The following TMEM87A variants were observed in gnomAD, a reference collection of about 807,000 sequenced individuals.
The protein encoded by TMEM87A is Golgi-pH regulating cation channel.
Under a neutral mutation model 90.0 loss-of-function variants are expected in TMEM87A, and 50 were observed. The ratio of observed to expected loss-of-function variants is 0.56; its 90% confidence interval spans 0.44 to 0.70. The LOEUF (loss-of-function observed/expected upper bound fraction) is 0.70. Among genes scored for constraint, TMEM87A ranks in the 30% least tolerant of loss-of-function variants. TMEM87A has a pLI of 0.00. For missense variants in TMEM87A, 577 were observed against 660.5 expected (o/e 0.87, Z 1.39); for synonymous variants, 226 against 226.7 (o/e 1.00, Z 0.03).
intron 6 of TMEM87A, among the ~76,000 whole-genome samples, chr15:42,254,176 G>A (rs1408259401): frequency 6.6e-6 from 1 of 152,006 alleles, no homozygotes; most frequent in Admixed American, 6.6e-5. Context: ...TTAACCCCAT[G>A]AGTAAGGTAA....
At chr15:42,228,497 G>A (rs1464438566) in intron 13 of TMEM87A, among the ~76,000 whole-genome samples, 2 of 152,178 alleles carry the variant, frequency 1.3e-5, no homozygotes, top group Non-Finnish European at 2.9e-5. Context: ...ATGAAGAGCT[G>A]AAATATGAGG....
At position 42,211,751 on chromosome 15, in the gene TMEM87A, T is replaced by C; in HGVS notation, c.1627-2A>G. The C allele has an allele frequency of 6.2e-7, 1 of 1,601,556 alleles. No individual in the cohort carries two copies. The highest frequency in any genetic ancestry group is 8.5e-7 in the Non-Finnish European group (1 of 1,176,330). On this transcript the variant is annotated splice_acceptor_variant, in intron 19 of 19. Transcript: ENST00000389834. LOFTEE classifies it high-confidence loss of function. ...TTCAAAGTGTGTGATCATTCGTTCC[T>C]AGGGAAAAAAAAAAAGGTTGAAGTA...
intron 12 of TMEM87A, among the ~76,000 whole-genome samples, chr15:42,229,785 G>A (rs985728338): frequency 6.6e-6 from 1 of 152,134 alleles, no homozygotes; most frequent in Non-Finnish European, 1.5e-5. Context: ...AAAACAGGAG[G>A]GGAATTGGTG....
chr15:42,261,018 A>C lies in TMEM87A; in HGVS notation c.460-16T>G. ...TCTCCTTAGCCTTTAAACATTAAAA[A>C]AATAATAATAATTAATTCAGAACTT... On this transcript the variant is annotated splice_polypyrimidine_tract_variant and intron_variant, in intron 5 of 19. Transcript: ENST00000389834. 6.4e-7 allele frequency: 1 copy of C among 1,570,880 alleles called. No homozygotes were observed.
intron 6 of TMEM87A, among the ~76,000 whole-genome samples, chr15:42,253,159 A>G (rs1035017543): frequency 6.6e-6 from 1 of 152,140 alleles, no homozygotes; most frequent in South Asian, 2.1e-4. Flanking sequence ...CAATCCTTCA[A>G]TGCTTAGCTG....
intron 2 of TMEM87A, among the ~76,000 whole-genome samples, chr15:42,271,803 T>C (rs35736091): frequency 1.3e-5 from 2 of 150,666 alleles, no homozygotes; most frequent in South Asian, 2.1e-4. Context: ...TATATTAATA[T>C]ATACATTATA....
intron 6 of TMEM87A, among the ~76,000 whole-genome samples, chr15:42,245,177 T>C (rs1395999297): frequency 1.3e-5 from 2 of 152,196 alleles, no homozygotes; most frequent in South Asian, 2.1e-4. Context: ...TAATCATACA[T>C]TGATTTATCT....
At chr15:42,239,861 G>A in intron 7 of TMEM87A, 130 bp from the exon 8 acceptor site, 1 of 773,844 alleles carries the variant, frequency 1.3e-6, no homozygotes, top group Non-Finnish European at 2.3e-6. Flanking sequence ...TTCAATCCTG[G>A]TCAATATTAC....
chr15:42,224,801 G>GT (rs2050559776), intron 15 of TMEM87A, among the ~76,000 whole-genome samples: 2 of 152,140 alleles, frequency 1.3e-5, no homozygotes, highest in South Asian at 2.1e-4. Context: ...CAAGAGTAAT[G>GT]TAAGATTCCA....
chr15:42,266,533 T>C (rs1463553554), intron 3 of TMEM87A, among the ~76,000 whole-genome samples: 1 of 151,908 alleles, frequency 6.6e-6, no homozygotes, highest in African/African-American at 2.4e-5. Flanking sequence ...AAAAAACTAT[T>C]TTCATAATAA....
rs1355641363 is a variant in TMEM87A at position 42,258,211 on chromosome 15, T to C, written c.504+2747A>G. ...ATTTACCAAACTGACGACATGTCCATGTTATATTGCTAAGCTACAAAAAAA... is the reference window on the plus strand; with the variant it reads ...ATTTACCAAACTGACGACATGTCCACGTTATATTGCTAAGCTACAAAAAAA... On this transcript the variant is annotated intron_variant, in intron 6 of 19. Coordinates refer to ENST00000389834, the MANE Select transcript of TMEM87A (RefSeq NM_015497.5). 3 of 949,278 alleles carry C rather than the reference T, an allele frequency of 3.2e-6. No individual in the cohort carries two copies. In the African/African-American group the frequency reaches 5.3e-5, roughly 17 times the overall value. The allele number at this position is 949,278 out of a possible 1,614,324, so 58.8% of individuals were successfully genotyped here.
At chr15:42,234,124 CA>C (rs1257561289) in intron 10 of TMEM87A, among the ~76,000 whole-genome samples, 2 of 152,098 alleles carry the variant, frequency 1.3e-5, no homozygotes, top group Non-Finnish European at 2.9e-5. Context: ...ATACCACCAT[CA>C]AATCTAAAAA....
chr15:42,258,144 A>G (rs914942300), intron 6 of TMEM87A: 2 of 977,118 alleles, frequency 2.0e-6, no homozygotes, highest in African/African-American at 1.8e-5. Context: ...TACTCATACA[A>G]TAAGACACTA....
chr15:42,235,694 T>C (rs571929483), intron 10 of TMEM87A, among the ~76,000 whole-genome samples: 1 of 152,336 alleles, frequency 6.6e-6, no homozygotes, highest in South Asian at 2.1e-4. Flanking sequence ...TTGAAGTCTC[T>C]GCTTAAATGT....
intron 19 of TMEM87A, among the ~76,000 whole-genome samples, chr15:42,211,954 T>C (rs919788109): frequency 2.0e-5 from 3 of 152,154 alleles, no homozygotes; most frequent in Non-Finnish European, 4.4e-5. Context: ...TCAAAAGCTC[T>C]AGGCTTCTGG....
chr15:42,252,330 G>T (rs1046555874), intron 6 of TMEM87A, among the ~76,000 whole-genome samples: 1 of 152,170 alleles, frequency 6.6e-6, no homozygotes, highest in South Asian at 2.1e-4. Flanking sequence ...CTTCTGTGTC[G>T]ATCACGCTGG....
intron 11 of TMEM87A, among the ~76,000 whole-genome samples, chr15:42,231,477 C>T (rs1210436383): frequency 6.6e-6 from 1 of 152,200 alleles, no homozygotes; most frequent in African/African-American, 2.4e-5. Context: ...TTGTCATTTA[C>T]AATCTCGAAA....
rs1431410888 is a variant in TMEM87A at position 42,272,182 on chromosome 15, A to G, written c.145-59T>C. On this transcript the variant is annotated intron_variant, in intron 1 of 19. Transcript: ENST00000389834. The stretch of plus-strand genomic sequence containing the variant: ...ATGGCTTCAATTACCAAAGCATCAT[A>G]TAACTATCTAAGACTGCTAGAAATT... 3.2e-6 allele frequency: 4 copies of G among 1,245,340 alleles called. No individual in the cohort carries two copies. In the East Asian group the frequency reaches 7.1e-5, roughly 22 times the overall value. 77.1% of individuals were successfully genotyped at this position (1,245,340 alleles called of 1,614,324 possible).
chr15:42,222,511 T>C (rs937328321), intron 15 of TMEM87A, among the ~76,000 whole-genome samples: 2 of 151,626 alleles, frequency 1.3e-5, no homozygotes, highest in Non-Finnish European at 2.9e-5. Flanking sequence ...CAGAAGAGAG[T>C]AGAGAGCCTA....
Sources: gnomAD v4.1 joint callset for allele counts (sites outside exome capture counted in the v4.1 genomes callset) on GRCh38, gnomAD v4.1.1 for gene constraint, MANE v1.5 for transcripts, NCBI Gene and HGNC (gene_info 2026-07-23, HGNC 2026-07-21) for gene names.